Variants in COL25A1 observed in about 807,000 individuals in gnomAD.
COL25A1 encodes collagen alpha-1(XXV) chain.
Under a neutral mutation model 128.4 loss-of-function variants are expected in COL25A1, and 103 were observed. The observed-to-expected ratio is 0.80, with a 90% CI of 0.68 to 0.94. The LOEUF (loss-of-function observed/expected upper bound fraction) is 0.94, where lower values mean the gene tolerates loss of function less well. Among genes scored for constraint, COL25A1 ranks in the 40% least tolerant of loss-of-function variants. The pLI is 0.00. For synonymous variants in COL25A1, 279 were observed against 277.2 expected (o/e 1.01, Z -0.06); for missense variants, 745 against 840.0 (o/e 0.89, Z 1.40).
At chr4:109,232,098 T>C (rs1364990095) in intron 3 of COL25A1, among the ~76,000 whole-genome samples, 1 of 152,192 alleles carries the variant, frequency 6.6e-6, no homozygotes, top group Non-Finnish European at 1.5e-5. Context: ...ACCCAGTTCT[T>C]AATACAACCA....
chr4:108,828,955 A>G (rs1732726067), intron 32 of COL25A1, among the ~76,000 whole-genome samples: 1 of 152,216 alleles, frequency 6.6e-6, no homozygotes, highest in South Asian at 2.1e-4. Context: ...CAGTGGAACT[A>G]ATTAACACTG....
At chr4:108,932,740 G>GA (rs1746896778) in intron 11 of COL25A1, among the ~76,000 whole-genome samples, 1 of 152,044 alleles carries the variant, frequency 6.6e-6, no homozygotes, top group Non-Finnish European at 1.5e-5. Flanking sequence ...ATCTGTCAAA[G>GA]AAAGAAACAG....
intron 10 of COL25A1, among the ~76,000 whole-genome samples, chr4:108,938,623 G>A (rs1035629901): frequency 1.1e-4 from 17 of 152,160 alleles, no homozygotes; most frequent in East Asian, 3.9e-4. Flanking sequence ...TTGGGAGGCC[G>A]AGGTGGGCAG....
intron 3 of COL25A1, among the ~76,000 whole-genome samples, chr4:109,058,745 C>T (rs1168391440): frequency 6.6e-6 from 1 of 152,150 alleles, no homozygotes; most frequent in Non-Finnish European, 1.5e-5. Flanking sequence ...CACAGCAGCA[C>T]CACATACACC....
intron 3 of COL25A1, among the ~76,000 whole-genome samples, chr4:109,116,290 C>A (rs1160404282): frequency 6.6e-6 from 1 of 152,030 alleles, no homozygotes; most frequent in East Asian, 1.9e-4. Flanking sequence ...TTTGAAATAA[C>A]AACAGCATTT....
At chr4:108,912,041 A>G (rs1349745637) in intron 13 of COL25A1, among the ~76,000 whole-genome samples, 1 of 152,156 alleles carries the variant, frequency 6.6e-6, no homozygotes, top group Non-Finnish European at 1.5e-5. Flanking sequence ...AACTTCCTTC[A>G]ACTAACTTTT....
chr4:109,131,790 C>T (rs931551129), intron 3 of COL25A1, among the ~76,000 whole-genome samples: 1 of 152,198 alleles, frequency 6.6e-6, no homozygotes, highest in Non-Finnish European at 1.5e-5. Flanking sequence ...CCAGATGGTG[C>T]CCCTGAACAG....
chr4:108,831,190 A>T (rs1420327525), intron 32 of COL25A1, among the ~76,000 whole-genome samples: 1 of 151,562 alleles, frequency 6.6e-6, no homozygotes, highest in Non-Finnish European at 1.5e-5. Flanking sequence ...AGTATATATT[A>T]ATAAATATTA....
rs115827090 is a variant in COL25A1, at chr4:109,169,071, G to A, written c.368-118892C>T. 7.1e-3 allele frequency among the ~76,000 whole-genome samples: 1,085 copies of A among 152,078 alleles called. 16 individuals carry two copies. The highest frequency in any genetic ancestry group is 0.024 in the African/African-American group (992 of 41,468). ...CTTCCCCATGTGCCCCACACTCTACGGTATACATTTTAATTCTTTAACTTG... is the reference window on the plus strand; with the variant it reads ...CTTCCCCATGTGCCCCACACTCTACAGTATACATTTTAATTCTTTAACTTG... On this transcript the variant is annotated intron_variant, in intron 3 of 37. Coordinates refer to ENST00000399132, the MANE Select transcript of COL25A1 (RefSeq NM_198721.4).
At chr4:109,037,338 T>C (rs1296546106) in intron 5 of COL25A1, among the ~76,000 whole-genome samples, 1 of 152,132 alleles carries the variant, frequency 6.6e-6, no homozygotes, top group East Asian at 1.9e-4. Context: ...ATCTCCACTC[T>C]CCTCTTCCTC....
At chr4:108,956,757 A>G (rs751880076) in intron 8 of COL25A1, among the ~76,000 whole-genome samples, 2 of 152,096 alleles carry the variant, frequency 1.3e-5, no homozygotes, top group Non-Finnish European at 2.9e-5. Flanking sequence ...TGTGGGAATG[A>G]TTTTTGTCTC....
At chr4:108,818,914 A>G (rs1276196863) in intron 36 of COL25A1, among the ~76,000 whole-genome samples, 1 of 151,986 alleles carries the variant, frequency 6.6e-6, no homozygotes, top group Non-Finnish European at 1.5e-5. Flanking sequence ...GAAAACCAAA[A>G]GTTATGGTCT....
At chr4:109,123,001 G>A (rs1672592233) in intron 3 of COL25A1, among the ~76,000 whole-genome samples, 1 of 152,018 alleles carries the variant, frequency 6.6e-6, no homozygotes, top group African/African-American at 2.4e-5. Flanking sequence ...TCTGCAGTTT[G>A]CTTATTTAAT....
Position 108,819,442 on chromosome 4 carries a change from G to A in COL25A1, c.1846-113C>T. On this transcript the variant is annotated intron_variant, in intron 35 of 37. Transcript: ENST00000399132. ...GGCTGGGAGAGGAGCAACTCTGAAG[G>A]GAAAAGTAACATCCAGTGAAGTTGG... 9.0e-6 allele frequency: 7 copies of A among 780,842 alleles called. No homozygotes were observed. In the South Asian group the frequency reaches 1.1e-4, roughly 12 times the overall value. The allele number at this position is 780,842 out of a possible 1,614,324, so 48.4% of individuals were successfully genotyped here.
At chr4:109,135,839 T>C (rs1769685452) in intron 3 of COL25A1, among the ~76,000 whole-genome samples, 1 of 152,302 alleles carries the variant, frequency 6.6e-6, no homozygotes, top group East Asian at 1.9e-4. Context: ...TGAGAGGAAC[T>C]CACATGTGGT....
Position 108,941,429 on chromosome 4 carries a change from A to C in COL25A1, c.501T>G (p.Phe167Leu), listed in dbSNP as rs1748080921. The change falls in exon 9 of 38, where the codon TTT becomes TTG. Residue 167 changes from phenylalanine to leucine, a missense_variant. Transcript: ENST00000399132. ...AGAGAAACCCATGATTGATTTTAGG[A>C]AACACCATCTGATCAGTCAGTTGAG... ...EQGDQGPRMV[F>L]PKINHGFLSA... is the part of the protein sequence containing the mutation. The C allele has an allele frequency of 6.2e-7, 1 of 1,613,792 alleles. No homozygotes were observed. The highest frequency in any genetic ancestry group is 8.5e-7 in the Non-Finnish European group (1 of 1,179,676).
chr4:108,895,476 T>C (rs1578688205), intron 16 of COL25A1, among the ~76,000 whole-genome samples: 1 of 152,042 alleles, frequency 6.6e-6, no homozygotes, highest in African/African-American at 2.4e-5. Context: ...ATCTATAAAG[T>C]ATGAATCCAA....
rs1734951992 is a variant in COL25A1 at position 108,845,262 on chromosome 4, C to A, written c.1516-11G>T. The stretch of plus-strand genomic sequence containing the variant: ...CATTCCATTGGCTCCCTATAAATAA[C>A]CATTAAGCAGAGTTAAGCAGGTAAA... On this transcript the variant is annotated splice_polypyrimidine_tract_variant and intron_variant, in intron 28 of 37. Transcript: ENST00000399132. The A allele has an allele frequency of 6.2e-7, 1 of 1,610,740 alleles. No individual in the cohort carries two copies. Among genetic ancestry groups the A allele is most frequent in the Non-Finnish European group, 8.5e-7 (1 of 1,176,882 alleles).
At chr4:109,154,334 G>A (rs1771826895) in intron 3 of COL25A1, among the ~76,000 whole-genome samples, 1 of 151,924 alleles carries the variant, frequency 6.6e-6, no homozygotes, top group African/African-American at 2.4e-5. Context: ...ACAACCATCT[G>A]TCTTCTACAG....
Sources: gnomAD v4.1 joint callset for allele counts (sites outside exome capture counted in the v4.1 genomes callset) on GRCh38, gnomAD v4.1.1 for gene constraint, MANE v1.5 for transcripts, NCBI Gene and HGNC (gene_info 2026-07-23, HGNC 2026-07-21) for gene names.